Variants in CREB5 observed in about 807,000 individuals in gnomAD.
CREB5 encodes cAMP responsive element binding protein 5.
A neutral mutation model predicts 57.1 loss-of-function variants in CREB5; 19 were observed. The observed-to-expected ratio is 0.33, with a 90% CI of 0.23 to 0.49. The LOEUF is 0.49. CREB5 is among the 20% of genes least tolerant of loss of function. The pLI, the probability that CREB5 is intolerant of heterozygous loss-of-function variation, is 0.99. For missense variants in CREB5, 579 were observed against 671.6 expected, an observed-to-expected ratio of 0.86 and a Z score of 1.52; for synonymous variants, 238 against 238.3, an observed-to-expected ratio of 1.00 and a Z score of 0.01.
At chr7:28,407,198 C>T (rs927357145) in intron 1 of CREB5, among the ~76,000 whole-genome samples, 2 of 152,054 alleles carry the variant, frequency 1.3e-5, no homozygotes, top group Non-Finnish European at 2.9e-5. Context: ...TACAGGCACC[C>T]ACCACCACAC....
At chr7:28,360,933 A>G (rs1345385915) in intron 1 of CREB5, among the ~76,000 whole-genome samples, 2 of 152,074 alleles carry the variant, frequency 1.3e-5, no homozygotes, top group African/African-American at 4.8e-5. Context: ...CAATGTCTAC[A>G]GACATTTTTA....
At chr7:28,525,277 C>A (rs1427264935) in intron 4 of CREB5, among the ~76,000 whole-genome samples, 1 of 152,078 alleles carries the variant, frequency 6.6e-6, no homozygotes, top group Non-Finnish European at 1.5e-5. Flanking sequence ...AATAGTGCTG[C>A]AATAAATGTG....
chr7:28,686,258 C>A, intron 5 of CREB5: 2 of 1,351,608 alleles, frequency 1.5e-6, no homozygotes, highest in Non-Finnish European at 2.1e-6. Flanking sequence ...GCCCCTACTG[C>A]CTTCTGTTTT....
intron 5 of CREB5, among the ~76,000 whole-genome samples, chr7:28,611,672 C>CTAAATAAATAAATAAA (rs111666594): frequency 1.5e-5 from 2 of 135,280 alleles, no homozygotes; most frequent in African/African-American, 2.8e-5. Context: ...ACTCTGTCTC[C>CTAAATAAATAAATAAA]TAAATAAATA....
At chr7:28,371,294 G>A (rs1443105769) in intron 1 of CREB5, among the ~76,000 whole-genome samples, 1 of 151,828 alleles carries the variant, frequency 6.6e-6, no homozygotes, top group Admixed American at 6.6e-5. Flanking sequence ...CATGGTGAAA[G>A]CCCATCTCTA....
intron 5 of CREB5, among the ~76,000 whole-genome samples, chr7:28,605,589 G>C (rs1285957114): frequency 6.6e-6 from 1 of 152,186 alleles, no homozygotes; most frequent in East Asian, 1.9e-4. Context: ...AACTGGAGCT[G>C]ACCTTCACTG....
At chr7:28,403,223 T>C (rs1044439867) in intron 1 of CREB5, among the ~76,000 whole-genome samples, 4 of 152,194 alleles carry the variant, frequency 2.6e-5, no homozygotes, top group African/African-American at 4.8e-5. Context: ...AGCTGGCTTA[T>C]GCTAAGACTC....
At chr7:28,618,685 C>G (rs1008166741) in intron 5 of CREB5, among the ~76,000 whole-genome samples, 1 of 152,202 alleles carries the variant, frequency 6.6e-6, no homozygotes, top group African/African-American at 2.4e-5. Flanking sequence ...CTGTGATCCT[C>G]CCCTGGGAGG....
chr7:28,409,723 G>A, upstream of CREB5: 2 of 342,868 alleles, frequency 5.8e-6, no homozygotes, highest in Admixed American at 8.0e-5. This position sits in a 1 kb window ranked among gnomAD's most constrained non-coding sequence, Gnocchi z 4.4. Flanking sequence ...CCACCCTAGA[G>A]ACCCCGCGCC....
intron 4 of CREB5, among the ~76,000 whole-genome samples, chr7:28,516,299 A>G (rs1413779704): frequency 1.3e-5 from 2 of 152,244 alleles, no homozygotes; most frequent in East Asian, 1.9e-4. Context: ...TCCAAATATT[A>G]TCATTGTTAA....
At chr7:28,410,406 C>G (rs951316738), upstream of CREB5, 2 of 456,650 alleles carry the variant, frequency 4.4e-6, no homozygotes, top group Non-Finnish European at 8.8e-6. Flanking sequence ...GCGGCAGATT[C>G]TCGGCAGAAT....
chr7:28,455,065 A>G (rs1304982953), intron 1 of CREB5, among the ~76,000 whole-genome samples: 1 of 152,228 alleles, frequency 6.6e-6, no homozygotes, highest in African/African-American at 2.4e-5. Flanking sequence ...TAATGAACAG[A>G]GTTTTTTAAA....
chr7:28,503,850 G>A (rs1341769073), intron 3 of CREB5, among the ~76,000 whole-genome samples: 1 of 152,114 alleles, frequency 6.6e-6, no homozygotes, highest in Non-Finnish European at 1.5e-5. Flanking sequence ...CCGGGGCCAG[G>A]GGAGCCACAG....
chr7:28,674,326 T>C (rs951995222), intron 5 of CREB5, among the ~76,000 whole-genome samples: 1 of 152,182 alleles, frequency 6.6e-6, no homozygotes, highest in Non-Finnish European at 1.5e-5. Flanking sequence ...CTGCAGGAGC[T>C]ACTGAATAGT....
At chr7:28,663,117 C>T (rs1799675841) in intron 5 of CREB5, among the ~76,000 whole-genome samples, 1 of 146,836 alleles carries the variant, frequency 6.8e-6, no homozygotes, top group Admixed American at 6.8e-5. Context: ...TGCACTCCAG[C>T]CTGGGTGACA....
At chr7:28,799,544 T>C (rs1808246286) in intron 7 of CREB5, among the ~76,000 whole-genome samples, 1 of 152,204 alleles carries the variant, frequency 6.6e-6, no homozygotes, top group Non-Finnish European at 1.5e-5. Flanking sequence ...AGCTAATTAT[T>C]TGAGAGATGA....
chr7:28,643,487 C>T (rs1438142166), intron 5 of CREB5, among the ~76,000 whole-genome samples: 3 of 152,158 alleles, frequency 2.0e-5, no homozygotes, highest in Non-Finnish European at 2.9e-5. Flanking sequence ...CACCCTCCCC[C>T]ACCTTACACA....
intron 1 of CREB5, among the ~76,000 whole-genome samples, chr7:28,397,668 A>G (rs1787367568): frequency 6.6e-6 from 1 of 152,242 alleles, no homozygotes. Flanking sequence ...TGACAAATGG[A>G]GGACTATACC....
At chr7:28,605,327 C>G (rs1797089626) in intron 5 of CREB5, among the ~76,000 whole-genome samples, 1 of 152,158 alleles carries the variant, frequency 6.6e-6, no homozygotes, top group Non-Finnish European at 1.5e-5. Flanking sequence ...TAATTGCTTT[C>G]TACTTTTGTA....
Sources: allele counts gnomAD v4.1 joint callset (sites outside exome capture counted in the v4.1 genomes callset), GRCh38; gene constraint gnomAD v4.1.1; non-coding constraint Gnocchi (gnomAD v3.1); transcripts MANE v1.5; gene names NCBI Gene and HGNC (gene_info 2026-07-23, HGNC 2026-07-21).